FAM120B: variants seen among roughly 807,000 people sequenced by gnomAD.
The protein encoded by FAM120B is family with sequence similarity 120 member B, also known as constitutive coactivator of peroxisome proliferator-activated receptor gamma.
In FAM120B, 83 loss-of-function variants were observed where a neutral mutation model predicts 96.3. That is an observed-to-expected ratio of 0.86 (90% CI 0.72 to 1.03). The LOEUF is 1.03. FAM120B is among the 50% of genes least tolerant of loss of function. The pLI, the probability that FAM120B is intolerant of heterozygous loss-of-function variation, is 0.00. For synonymous variants in FAM120B, 407 were observed against 402.7 expected (o/e 1.01, Z -0.13); for missense variants, 1,027 against 1,121.2 (o/e 0.92, Z 1.20).
In FAM120B at chr6:170,317,947, A is replaced by G; in HGVS notation, c.557A>G (p.Asp186Gly). 6.2e-7 allele frequency: 1 copy of G among 1,614,062 alleles called. No individual in the cohort carries two copies. The highest frequency in any genetic ancestry group is 8.5e-7 in the Non-Finnish European group (1 of 1,179,966). Residue 186 changes from aspartate to glycine, a missense_variant, in exon 2 of 11, where the codon GAC becomes GGC. Asp to Gly is a moderately conservative substitution (Grantham distance 94). Around this residue, in one of 3 missense-constraint regions of FAM120B, gnomAD observed 880 missense variants for 980.9 expected, o/e 0.90. Coordinates refer to ENST00000476287, the MANE Select transcript of FAM120B (RefSeq NM_032448.3). Reference protein sequence around the residue: ...LGEDTDYLIYDTCPYFSISEL... With the variant: ...LGEDTDYLIYGTCPYFSISEL... ...GAAGACACTGATTACCTAATCTATG[A>G]CACTTGTCCCTACTTTTCAATTAGC...
At chr6:170,327,725 G>A (rs916457774) in intron 3 of FAM120B, among the ~76,000 whole-genome samples, 3 of 146,444 alleles carry the variant, frequency 2.0e-5, no homozygotes, top group African/African-American at 5.1e-5. Context: ...CACTGCACAT[G>A]CAGGCTGCTC....
At chr6:170,303,387 A>T (rs1481395962), upstream of FAM120B, among the ~76,000 whole-genome samples, 23 of 152,122 alleles carry the variant, frequency 1.5e-4, no homozygotes, top group Admixed American at 1.5e-3. Context: ...CTACAGGTGC[A>T]TGCCACCATG....
intron 2 of FAM120B, among the ~76,000 whole-genome samples, chr6:170,321,790 G>A (rs1310467107): frequency 6.6e-6 from 1 of 152,124 alleles, no homozygotes; most frequent in Non-Finnish European, 1.5e-5. Flanking sequence ...CTGGGAGCCG[G>A]GCACGTTTTT....
chr6:170,369,235 C>T (rs1789019484), intron 6 of FAM120B, among the ~76,000 whole-genome samples: 1 of 152,060 alleles, frequency 6.6e-6, no homozygotes, highest in Non-Finnish European at 1.5e-5. Context: ...TGCACATAGA[C>T]TTTCCAGTAT....
chr6:170,327,698 G>GCTACACCA (rs1388748549), intron 3 of FAM120B, among the ~76,000 whole-genome samples: 1 of 144,400 alleles, frequency 6.9e-6, no homozygotes, highest in African/African-American at 2.6e-5. Flanking sequence ...ACCATACACC[G>GCTACACCA]CTGTAGGCTT....
chr6:170,292,340 T>A (rs974567885), upstream of FAM120B, among the ~76,000 whole-genome samples: 1 of 152,148 alleles, frequency 6.6e-6, no homozygotes, highest in African/African-American at 2.4e-5. This position sits in a 1 kb window ranked among gnomAD's most constrained non-coding sequence, Gnocchi z 6.6. Flanking sequence ...GAGAAGTAAG[T>A]TGGGGCAGAG....
At chr6:170,355,690 C>A (rs751705417) in intron 5 of FAM120B, among the ~76,000 whole-genome samples, 8 of 151,986 alleles carry the variant, frequency 5.3e-5, no homozygotes, top group Non-Finnish European at 8.8e-5. Context: ...ATGTAACAAG[C>A]CTGCACATCC....
chr6:170,375,069 G>A (rs1007969069), intron 6 of FAM120B, among the ~76,000 whole-genome samples: 5 of 152,246 alleles, frequency 3.3e-5, no homozygotes, highest in African/African-American at 9.6e-5. Flanking sequence ...CCTTGGCCAG[G>A]TGGTGAGAGA....
intron 8 of FAM120B, among the ~76,000 whole-genome samples, chr6:170,392,374 A>ATTT (rs1790525083): frequency 6.6e-6 from 1 of 152,036 alleles, no homozygotes; most frequent in Non-Finnish European, 1.5e-5. Context: ...CGCCCGGCTA[A>ATTT]TTTTTGTATT....
In FAM120B at chr6:170,388,406, C is replaced by G. The variant is rs12199975; in HGVS notation, c.2403C>G (p.Pro801=). Residue 801 remains proline (P), a synonymous_variant, in exon 7 of 11, where the codon CCC becomes CCG. Coordinates refer to ENST00000476287, the MANE Select transcript of FAM120B (RefSeq NM_032448.3). ...CCTGGAAGACGAGTGATTTCATGCC[C>G]TGGAATGTATTTGACGGGAAGCTTT... The part of the protein sequence containing the change: ...GFPWKTSDFM[P]WNVFDGKLFH... 6.2e-7 allele frequency: 1 copy of G among 1,614,072 alleles called. No homozygotes were observed. The highest frequency in any genetic ancestry group is 8.5e-7 in the Non-Finnish European group (1 of 1,180,022).
intron 6 of FAM120B, among the ~76,000 whole-genome samples, chr6:170,377,243 T>C (rs188088564): frequency 2.5e-4 from 16 of 63,130 alleles, no homozygotes; most frequent in African/African-American, 8.8e-4. Context: ...TAATCCCAGA[T>C]GCCTGGGAGA....
intron 4 of FAM120B, among the ~76,000 whole-genome samples, chr6:170,340,469 C>G (rs1034708248): frequency 2.0e-5 from 3 of 152,092 alleles, no homozygotes; most frequent in African/African-American, 7.2e-5. Context: ...TTGTTATTAC[C>G]CATCTTCTGA....
chr6:170,344,718 C>T (rs1436309404), intron 4 of FAM120B, among the ~76,000 whole-genome samples: 1 of 152,200 alleles, frequency 6.6e-6, no homozygotes, highest in East Asian at 1.9e-4. Context: ...CATTCCCTCA[C>T]CTCTTTGCCT....
chr6:170,333,683 G>A (rs961922892), intron 4 of FAM120B, among the ~76,000 whole-genome samples: 6 of 151,938 alleles, frequency 3.9e-5, no homozygotes, highest in African/African-American at 9.7e-5. Flanking sequence ...TCTGGGTTTC[G>A]CCTTGTTGGC....
intron 6 of FAM120B, among the ~76,000 whole-genome samples, chr6:170,381,287 A>G (rs1789886556): frequency 6.6e-6 from 1 of 152,202 alleles, no homozygotes; most frequent in Non-Finnish European, 1.5e-5. Flanking sequence ...AACAACTTAG[A>G]TGTAGGGGCC....
intron 7 of FAM120B, among the ~76,000 whole-genome samples, chr6:170,388,843 C>T (rs972853391): frequency 6.6e-6 from 1 of 152,154 alleles, no homozygotes; most frequent in Non-Finnish European, 1.5e-5. Context: ...TCCCCCAAAA[C>T]GTTACTACAA....
At chr6:170,307,414 C>G (rs560529692) in intron 1 of FAM120B, among the ~76,000 whole-genome samples, 13 of 152,300 alleles carry the variant, frequency 8.5e-5, no homozygotes, top group African/African-American at 3.1e-4. Context: ...GAGCGTCAAG[C>G]AGATCCCACA....
chr6:170,321,941 G>C (rs1023840508), intron 2 of FAM120B, among the ~76,000 whole-genome samples: 1 of 152,186 alleles, frequency 6.6e-6, no homozygotes, highest in African/African-American at 2.4e-5. Flanking sequence ...TTGGTATCCA[G>C]GTTATTCTAG....
chr6:170,312,497 CAGTT>C (rs1356655049), intron 1 of FAM120B, among the ~76,000 whole-genome samples: 1 of 152,158 alleles, frequency 6.6e-6, no homozygotes, highest in Non-Finnish European at 1.5e-5. Context: ...TACTAAGTGG[CAGTT>C]AGAATCTGGA....
Sources: gnomAD v4.1 joint callset for allele counts (sites outside exome capture counted in the v4.1 genomes callset) on GRCh38, gnomAD v4.1.1 for gene constraint, gnomAD v4.1.1 regional missense constraint, Gnocchi (gnomAD v3.1) non-coding constraint, MANE v1.5 for transcripts, NCBI Gene and HGNC (gene_info 2026-07-23, HGNC 2026-07-21) for gene names.